GTF2H5: variants seen among roughly 807,000 people sequenced by gnomAD.
GTF2H5 encodes TFB5 ortholog.
Under a neutral mutation model 7.1 loss-of-function variants are expected in GTF2H5, and 5 were observed. That is an observed-to-expected ratio of 0.71 (90% confidence interval 0.37 to 1.49). GTF2H5 has a LOEUF of 1.49. Ranked by LOEUF, GTF2H5 falls within the 40% of genes most tolerant of loss-of-function variation. The pLI, the probability that GTF2H5 is intolerant of heterozygous loss-of-function variation, is 0.03. For missense variants in GTF2H5, 80 were observed against 83.0 expected, an observed-to-expected ratio of 0.96 and a Z score of 0.14; for synonymous variants, 30 against 31.7, an observed-to-expected ratio of 0.95 and a Z score of 0.18.
intron 2 of GTF2H5, among the ~76,000 whole-genome samples, chr6:158,174,180 T>G (rs1583629247): frequency 6.6e-6 from 1 of 152,334 alleles, no homozygotes; most frequent in East Asian, 1.9e-4. Context: ...AATTCCTATC[T>G]CACAGCTGCT....
intron 2 of GTF2H5, among the ~76,000 whole-genome samples, chr6:158,180,126 G>A (rs923300157): frequency 2.6e-5 from 4 of 152,150 alleles, no homozygotes; most frequent in African/African-American, 9.7e-5. Context: ...CATCTTTTGA[G>A]ATAATCGTGG....
chr6:158,170,137 C>T (rs1181544897), intron 1 of GTF2H5, among the ~76,000 whole-genome samples: 1 of 152,134 alleles, frequency 6.6e-6, no homozygotes, highest in Non-Finnish European at 1.5e-5. Flanking sequence ...CTTTGTCATT[C>T]TCCTGAATGG....
chr6:158,174,696 T>C (rs556362621), intron 2 of GTF2H5, among the ~76,000 whole-genome samples: 4 of 152,328 alleles, frequency 2.6e-5, no homozygotes, highest in Non-Finnish European at 5.9e-5. Flanking sequence ...GGAGCAGACC[T>C]CTGGTATAAC....
At chr6:158,169,441 A>ATAT (rs1554266935) in intron 1 of GTF2H5, among the ~76,000 whole-genome samples, 5 of 64,624 alleles carry the variant, frequency 7.7e-5, no homozygotes, top group Admixed American at 3.6e-4. Context: ...TGTATATTAT[A>ATAT]TATATTATAT....
At chr6:158,180,820 C>T (rs567413924) in intron 2 of GTF2H5, among the ~76,000 whole-genome samples, 40 of 148,030 alleles carry the variant, frequency 2.7e-4, no homozygotes, top group South Asian at 2.1e-3. Context: ...AAACCAGCTC[C>T]GGGATTCATT....
intron 2 of GTF2H5, among the ~76,000 whole-genome samples, chr6:158,187,833 T>G (rs1278040642): frequency 6.6e-6 from 1 of 152,184 alleles, no homozygotes; most frequent in Non-Finnish European, 1.5e-5. Context: ...CCCAAAGTGC[T>G]GGGATTACAG....
chr6:158,170,921 TTAGGTACATTCCA>T, intron 2 of GTF2H5, among the ~76,000 whole-genome samples: 1 of 152,316 alleles, frequency 6.6e-6, no homozygotes. Flanking sequence ...TTAAATTCCT[TTAGGTACATTCCA>T]GAGGAGAAAC....
intron 2 of GTF2H5, among the ~76,000 whole-genome samples, chr6:158,175,047 T>TATATACAC (rs1361855333): frequency 3.3e-5 from 5 of 150,484 alleles, no homozygotes; most frequent in Non-Finnish European, 5.9e-5. Flanking sequence ...TGTGTGTGTA[T>TATATACAC]ACACACACAC....
At chr6:158,178,261 C>T (rs1416141353) in intron 2 of GTF2H5, among the ~76,000 whole-genome samples, 2 of 152,026 alleles carry the variant, frequency 1.3e-5, no homozygotes, top group Non-Finnish European at 1.5e-5. Context: ...CCAAGACAGG[C>T]GGATCACGAG....
chr6:158,173,414 A>G (rs1277777980), intron 2 of GTF2H5, among the ~76,000 whole-genome samples: 1 of 152,224 alleles, frequency 6.6e-6, no homozygotes, highest in African/African-American at 2.4e-5. Flanking sequence ...TCCCTTTCAC[A>G]GTTAGATGCA....
chr6:158,173,303 G>GTAAC (rs1389344224), intron 2 of GTF2H5, among the ~76,000 whole-genome samples: 1 of 152,086 alleles, frequency 6.6e-6, no homozygotes, highest in African/African-American at 2.4e-5. Context: ...TTTCAAAAGG[G>GTAAC]TAACTCTGTC....
At chr6:158,179,215 T>C (rs896218245) in intron 2 of GTF2H5, among the ~76,000 whole-genome samples, 1 of 152,234 alleles carries the variant, frequency 6.6e-6, no homozygotes, top group African/African-American at 2.4e-5. Flanking sequence ...ATATCTGTTT[T>C]AGTACCAGTA....
At chr6:158,184,340 T>C (rs1052170625) in intron 2 of GTF2H5, among the ~76,000 whole-genome samples, 2 of 152,226 alleles carry the variant, frequency 1.3e-5, no homozygotes, top group African/African-American at 4.8e-5. Context: ...TGAGTAACTT[T>C]ATACATTATA....
chr6:158,169,421 T>TA (rs1729718433), intron 1 of GTF2H5, among the ~76,000 whole-genome samples: 1 of 80,878 alleles, frequency 1.2e-5, no homozygotes, highest in African/African-American at 5.7e-5. Context: ...ATATATTATA[T>TA]ATAATATATT....
intron 2 of GTF2H5, among the ~76,000 whole-genome samples, chr6:158,176,093 CAATT>C (rs1285528869): frequency 6.6e-6 from 1 of 152,186 alleles, no homozygotes; most frequent in East Asian, 1.9e-4. Context: ...TACTTTGTAT[CAATT>C]AATCAATTGC....
At chr6:158,186,194 A>G (rs143393742) in intron 2 of GTF2H5, among the ~76,000 whole-genome samples, 171 of 152,334 alleles carry the variant, frequency 1.1e-3, no homozygotes, top group African/African-American at 3.8e-3. Flanking sequence ...TGGTATACAA[A>G]TGGCAAACAT....
intron 2 of GTF2H5, among the ~76,000 whole-genome samples, chr6:158,189,638 A>G (rs1446170362): frequency 6.6e-6 from 1 of 151,938 alleles, no homozygotes; most frequent in African/African-American, 2.4e-5. Context: ...CATTTCTTCA[A>G]CTTCGCCAGA....
At position 158,169,679 on chromosome 6, in the gene GTF2H5, A is replaced by ATGTATATTATATAT. The variant is rs1491133424; in HGVS notation, c.-34-790_-34-789insGTATATTATATATT. The stretch of plus-strand genomic sequence containing the variant: ...CATATAATATATTGTATATTATATA[A>ATGTATATTATATAT]TATATAATATATATTATATAATATA... On this transcript the variant is annotated intron_variant, in intron 1 of 2. Coordinates refer to ENST00000607778, the MANE Select transcript of GTF2H5 (RefSeq NM_207118.3). Among the ~76,000 whole-genome samples the ATGTATATTATATAT allele has an allele frequency of 4.0e-4, 16 of 39,904 alleles. 2 individuals are homozygous for ATGTATATTATATAT. Among genetic ancestry groups the ATGTATATTATATAT allele is most frequent in the Non-Finnish European group, 5.3e-4 (14 of 26,332 alleles). The allele number at this position is 39,904 out of a possible 152,430, so 26.2% of individuals were successfully genotyped here.
chr6:158,169,371 A>ATTATAT (rs1562467732), intron 1 of GTF2H5, among the ~76,000 whole-genome samples: 4 of 100,804 alleles, frequency 4.0e-5, no homozygotes, highest in Admixed American at 3.1e-4. Flanking sequence ...TATATATAAT[A>ATTATAT]TGTATATTAT....
Sources: allele counts gnomAD v4.1 joint callset (sites outside exome capture counted in the v4.1 genomes callset), GRCh38; gene constraint gnomAD v4.1.1; transcripts MANE v1.5; gene names NCBI Gene and HGNC (gene_info 2026-07-23, HGNC 2026-07-21).